Variants in SENP7 observed in about 807,000 individuals in gnomAD.
The protein encoded by SENP7 is sentrin-specific protease 7.
SENP7 carries 64 observed loss-of-function variants against 141.2 expected under a neutral mutation model. The observed-to-expected ratio is 0.45, with a 90% CI of 0.37 to 0.56. The LOEUF (loss-of-function observed/expected upper bound fraction) is 0.56, where lower values mean the gene tolerates loss of function less well. Ranked by LOEUF, SENP7 falls within the 20% of genes least tolerant of loss-of-function variation. The pLI is 0.00. For missense variants in SENP7, 1,025 were observed against 1,212.2 expected, an observed-to-expected ratio of 0.85 and a Z score of 2.29; for synonymous variants, 382 against 426.4, an observed-to-expected ratio of 0.90 and a Z score of 1.28.
At chr3:101,348,912 C>A (rs1350665721) in intron 12 of SENP7, among the ~76,000 whole-genome samples, 1 of 152,108 alleles carries the variant, frequency 6.6e-6, no homozygotes, top group Admixed American at 6.5e-5. Context: ...CCAAGATGGG[C>A]ACCTATTTGA....
At chr3:101,383,996 T>C (rs1049860489) in intron 6 of SENP7, among the ~76,000 whole-genome samples, 1 of 152,152 alleles carries the variant, frequency 6.6e-6, no homozygotes. Context: ...AGCGTGCACT[T>C]CCTACCCTCC....
At chr3:101,439,532 G>A (rs1324753494) in intron 4 of SENP7, among the ~76,000 whole-genome samples, 25 of 36,260 alleles carry the variant, frequency 6.9e-4, no homozygotes, top group South Asian at 4.1e-3. Context: ...CAGCCGTGCC[G>A]TCCGGGAGGG....
At chr3:101,483,962 G>A (rs563967383) in intron 3 of SENP7, among the ~76,000 whole-genome samples, 3 of 152,236 alleles carry the variant, frequency 2.0e-5, no homozygotes, top group East Asian at 3.9e-4. Flanking sequence ...AGGAGACGGC[G>A]GTTGCAGTAA....
intron 5 of SENP7, among the ~76,000 whole-genome samples, chr3:101,409,293 C>A (rs1481152091): frequency 6.6e-6 from 1 of 152,152 alleles, no homozygotes; most frequent in Non-Finnish European, 1.5e-5. Flanking sequence ...TCACAGACAA[C>A]ACAAACAACT....
At chr3:101,513,021 T>A in intron 1 of SENP7, 70 bp downstream of exon 1, 10 of 1,437,706 alleles carry the variant, frequency 7.0e-6, no homozygotes, top group African/African-American at 1.5e-5. Flanking sequence ...CAACCCCAGC[T>A]GCCGCCTGCG....
intron 13 of SENP7, 78 bp downstream of exon 13, chr3:101,347,794 C>A: frequency 1.6e-6 from 1 of 607,192 alleles, no homozygotes. Flanking sequence ...AAATAACATT[C>A]TATTAAATTA....
intron 4 of SENP7, 26 bp downstream of exon 4, chr3:101,458,929 C>T (rs761427865): frequency 3.7e-6 from 5 of 1,365,744 alleles, no homozygotes; most frequent in Admixed American, 1.9e-5. Flanking sequence ...TAAGCCCATA[C>T]TATGTCGCAC....
At chr3:101,364,228 A>AAAAGAAAG (rs142675849) in intron 10 of SENP7, among the ~76,000 whole-genome samples, 1,640 of 148,766 alleles carry the variant, frequency 0.011, 30 homozygotes, top group African/African-American at 0.034. Flanking sequence ...CCTTGTCTCA[A>AAAAGAAAG]AAAGAAAGAA....
chr3:101,341,329 T>C (rs1226853296), intron 15 of SENP7, among the ~76,000 whole-genome samples: 3 of 152,214 alleles, frequency 2.0e-5, no homozygotes, highest in African/African-American at 4.8e-5. Context: ...CCCTATCATA[T>C]GTTCAGATAA....
chr3:101,459,334 T>C (rs1472500898), intron 3 of SENP7, among the ~76,000 whole-genome samples: 1 of 152,176 alleles, frequency 6.6e-6, no homozygotes, highest in Non-Finnish European at 1.5e-5. Flanking sequence ...AAATCTGGAA[T>C]GTACTTAAAG....
chr3:101,336,205 C>T (rs2059181050), intron 17 of SENP7, among the ~76,000 whole-genome samples: 1 of 152,146 alleles, frequency 6.6e-6, no homozygotes, highest in Non-Finnish European at 1.5e-5. Context: ...ACTGTAGAAT[C>T]AAATAACTTT....
At position 101,448,615 on chromosome 3, in the gene SENP7, T is replaced by C. The variant is rs572976720; in HGVS notation, c.284+10340A>G. ...TGTGTGAGGTGTCAGTCTGCCCCTATTGTGGGGTGCCTCCCAGTTAGGCTA... is the reference window on the plus strand; with the variant it reads ...TGTGTGAGGTGTCAGTCTGCCCCTACTGTGGGGTGCCTCCCAGTTAGGCTA... On this transcript the variant is annotated intron_variant, in intron 4 of 23. Coordinates refer to ENST00000394095, the MANE Select transcript of SENP7 (RefSeq NM_020654.5). Among the ~76,000 whole-genome samples, 3 of 152,242 alleles carry C rather than the reference T, an allele frequency of 2.0e-5. No homozygotes were observed. The East Asian group carries it at 5.8e-4, about 29-fold the overall frequency.
intron 1 of SENP7, among the ~76,000 whole-genome samples, chr3:101,503,614 A>G (rs921927447): frequency 6.6e-5 from 10 of 152,236 alleles, no homozygotes; most frequent in Non-Finnish European, 1.3e-4. Context: ...TCAGAAATTC[A>G]AGAAGAGTTA....
chr3:101,410,082 TCAA>T (rs2061412223), intron 5 of SENP7, among the ~76,000 whole-genome samples: 1 of 151,418 alleles, frequency 6.6e-6, no homozygotes, highest in Non-Finnish European at 1.5e-5. Context: ...TGCAAACAAA[TCAA>T]CAAGAAAAAA....
chr3:101,452,565 A>C (rs2063183920), intron 4 of SENP7, among the ~76,000 whole-genome samples: 1 of 152,132 alleles, frequency 6.6e-6, no homozygotes, highest in Non-Finnish European at 1.5e-5. Context: ...ATGCCGCATA[A>C]CTACAACCAT....
At chr3:101,432,031 G>A (rs1162364029) in intron 4 of SENP7, among the ~76,000 whole-genome samples, 1 of 152,080 alleles carries the variant, frequency 6.6e-6, no homozygotes, top group Non-Finnish European at 1.5e-5. Flanking sequence ...GGCACTTTTG[G>A]ACCTGACCTG....
At position 101,343,557 on chromosome 3, in the gene SENP7, G is replaced by A. The variant is rs907381518; in HGVS notation, c.2106+129C>T. 21 of 735,000 alleles carry A rather than the reference G, an allele frequency of 2.9e-5. No individual in the cohort carries two copies. The East Asian group carries it at 4.6e-4, about 16-fold the overall frequency. 45.5% of individuals were successfully genotyped at this position (735,000 alleles called of 1,614,324 possible). The stretch of plus-strand genomic sequence containing the variant: ...AACAAATTGTTCCAGCATTGGCAAC[G>A]GGAGTTCTTTTGGGTTGGTTCCTAT... On this transcript the variant is annotated intron_variant, in intron 14 of 23. Coordinates refer to ENST00000394095, the MANE Select transcript of SENP7 (RefSeq NM_020654.5).
At chr3:101,486,245 A>G (rs1040904359) in intron 3 of SENP7, among the ~76,000 whole-genome samples, 1 of 152,216 alleles carries the variant, frequency 6.6e-6, no homozygotes, top group Non-Finnish European at 1.5e-5. Flanking sequence ...TCCAAACACA[A>G]GAAGTACAAA....
At chr3:101,346,968 A>G (rs1576028099) in intron 13 of SENP7, among the ~76,000 whole-genome samples, 1 of 149,766 alleles carries the variant, frequency 6.7e-6, no homozygotes, top group African/African-American at 2.5e-5. Context: ...GGAGGAGGAA[A>G]GGAGGAGGAG....
Sources: gnomAD v4.1 joint callset for allele counts (sites outside exome capture counted in the v4.1 genomes callset) on GRCh38, gnomAD v4.1.1 for gene constraint, MANE v1.5 for transcripts, NCBI Gene and HGNC (gene_info 2026-07-23, HGNC 2026-07-21) for gene names.